The following CDK15 variants were observed in gnomAD, a reference collection of about 807,000 sequenced individuals.
The protein encoded by CDK15 is cyclin dependent kinase 15, also known as cyclin-dependent kinase 15.
In CDK15, 62 loss-of-function variants were observed where a neutral mutation model predicts 60.3. That is an observed-to-expected ratio of 1.03 (90% CI 0.84 to 1.27). The LOEUF (loss-of-function observed/expected upper bound fraction) is 1.27, where lower values mean the gene tolerates loss of function less well. Ranked by LOEUF, CDK15 falls within the 50% of genes most tolerant of loss-of-function variation. CDK15 has a pLI of 0.00. For missense variants in CDK15, 541 were observed against 527.8 expected (o/e 1.03, Z -0.25); for synonymous variants, 194 against 195.7 (o/e 0.99, Z 0.07).
chr2:201,890,334 T>G (rs1699600450), intron 12 of CDK15, among the ~76,000 whole-genome samples: 1 of 152,228 alleles, frequency 6.6e-6, no homozygotes, highest in Non-Finnish European at 1.5e-5. Flanking sequence ...TGCTGATCCC[T>G]CAACCGGGAA....
chr2:201,851,429 A>G (rs1697903610), intron 9 of CDK15, among the ~76,000 whole-genome samples: 1 of 151,766 alleles, frequency 6.6e-6, no homozygotes, highest in Admixed American at 6.6e-5. Flanking sequence ...TTGTCGCTGC[A>G]TCCTCCAGAG....
chr2:201,884,786 T>C (rs1346571780), intron 12 of CDK15, among the ~76,000 whole-genome samples: 2 of 152,358 alleles, frequency 1.3e-5, no homozygotes, highest in Admixed American at 1.3e-4. Context: ...GAGAATCATG[T>C]TCCATTCATT....
At chr2:201,840,956 C>T (rs956014442) in intron 8 of CDK15, among the ~76,000 whole-genome samples, 4 of 152,116 alleles carry the variant, frequency 2.6e-5, no homozygotes, top group African/African-American at 9.7e-5. Flanking sequence ...TGAATATTGA[C>T]TCTATTCTAT....
chr2:201,886,569 C>A (rs1333987003), intron 12 of CDK15, among the ~76,000 whole-genome samples: 2 of 152,172 alleles, frequency 1.3e-5, no homozygotes, highest in African/African-American at 4.8e-5. Context: ...AGGTGATCCA[C>A]CTGCCTTGGC....
chr2:201,863,618 G>A (rs1365445803), intron 10 of CDK15, among the ~76,000 whole-genome samples: 5 of 152,086 alleles, frequency 3.3e-5, no homozygotes, highest in Admixed American at 2.6e-4. Context: ...TTGGGAGGCC[G>A]AGGCGGGCGG....
chr2:201,841,733 G>C (rs1697393987), intron 8 of CDK15, among the ~76,000 whole-genome samples: 1 of 152,186 alleles, frequency 6.6e-6, no homozygotes, highest in African/African-American at 2.4e-5. Context: ...ATGAGGCCTG[G>C]TGGCAGCAGT....
intron 6 of CDK15, among the ~76,000 whole-genome samples, chr2:201,829,789 A>C (rs1696668694): frequency 6.6e-6 from 1 of 151,662 alleles, no homozygotes; most frequent in South Asian, 2.1e-4. Flanking sequence ...ATTATGTTTT[A>C]TTTTTTAATT....
At chr2:201,812,184 A>AC (rs1432437226) in intron 3 of CDK15, among the ~76,000 whole-genome samples, 58 of 148,742 alleles carry the variant, frequency 3.9e-4, no homozygotes, top group Admixed American at 8.0e-4. Flanking sequence ...AAAAAAAAAA[A>AC]AAAAAAACAA....
At chr2:201,815,627 C>G (rs904383514) in intron 4 of CDK15, among the ~76,000 whole-genome samples, 1 of 152,132 alleles carries the variant, frequency 6.6e-6, no homozygotes, top group Non-Finnish European at 1.5e-5. Context: ...CATAGTACAA[C>G]ATTTCTTAGT....
At chr2:201,881,146 G>A (rs1171685361) in intron 12 of CDK15, among the ~76,000 whole-genome samples, 1 of 152,098 alleles carries the variant, frequency 6.6e-6, no homozygotes, top group Non-Finnish European at 1.5e-5. Context: ...CAAGAGGTGT[G>A]GAAACAGCCT....
chr2:201,830,472 G>T (rs141955552), intron 6 of CDK15, among the ~76,000 whole-genome samples: 1 of 152,196 alleles, frequency 6.6e-6, no homozygotes, highest in African/African-American at 2.4e-5. Flanking sequence ...TGACACAATC[G>T]TTGCAAAAGC....
chr2:201,888,492 C>T, intron 12 of CDK15: 1 of 1,534,484 alleles, frequency 6.5e-7, no homozygotes, highest in Non-Finnish European at 8.7e-7. Flanking sequence ...TGCTGTCAGC[C>T]TCGGGAAGCT....
At chr2:201,823,029 A>G (rs1046663336) in intron 5 of CDK15, 126 bp downstream of exon 5, 3 of 652,044 alleles carry the variant, frequency 4.6e-6, no homozygotes, top group South Asian at 2.0e-5. Flanking sequence ...GGAAATTTTC[A>G]TTATTGTGAT....
chr2:201,852,158 GC>G (rs1697939448), intron 9 of CDK15, among the ~76,000 whole-genome samples: 1 of 151,982 alleles, frequency 6.6e-6, no homozygotes, highest in Non-Finnish European at 1.5e-5. Context: ...CACATTTGTT[GC>G]CTATAAGCAG....
chr2:201,837,480 AAGGAAGG>A (rs1697177294), intron 8 of CDK15, among the ~76,000 whole-genome samples: 2 of 140,326 alleles, frequency 1.4e-5, no homozygotes, highest in South Asian at 5.2e-4. Flanking sequence ...GGAAGGAAGG[AAGGAAGG>A]AAGGAAGGAA....
At chr2:201,847,280 A>G in intron 8 of CDK15, 101 bp from the exon 9 acceptor site, 1 of 1,173,866 alleles carries the variant, frequency 8.5e-7, no homozygotes, top group Non-Finnish European at 1.2e-6. Context: ...TCCGTATTTA[A>G]CTCTCCCTAA....
Position 201,895,413 on chromosome 2 carries a change from T to C in CDK15, c.*2146T>C, listed in dbSNP as rs1486678680. 6.6e-6 allele frequency: 1 copy of C among 152,266 alleles called. No homozygotes were observed. The highest frequency in any genetic ancestry group is 6.5e-5 in the Admixed American group (1 of 15,294). The allele number at this position is 152,266 out of a possible 1,614,324, so 9.4% of individuals were successfully genotyped here. Reference sequence around the variant, plus strand: ...TGCTTATGCATATGCATATACCTTATGCATATGATTATGCTTGTGCTTCCT... The same window carrying C: ...TGCTTATGCATATGCATATACCTTACGCATATGATTATGCTTGTGCTTCCT... On this transcript the variant is annotated 3_prime_UTR_variant, in exon 14 of 14. Transcript: ENST00000652192.
At chr2:201,826,413 C>T (rs564250007) in intron 6 of CDK15, among the ~76,000 whole-genome samples, 3 of 140,044 alleles carry the variant, frequency 2.1e-5, no homozygotes, top group Non-Finnish European at 3.0e-5. Context: ...GAGCCGAGAT[C>T]GCGCCACTGC....
At chr2:201,875,108 T>C (rs1315867187) in intron 11 of CDK15, among the ~76,000 whole-genome samples, 1 of 152,214 alleles carries the variant, frequency 6.6e-6, no homozygotes, top group African/African-American at 2.4e-5. Context: ...TTTTACGCAG[T>C]CACAAAACTC....
Sources: allele counts gnomAD v4.1 joint callset (sites outside exome capture counted in the v4.1 genomes callset), GRCh38; gene constraint gnomAD v4.1.1; transcripts MANE v1.5; gene names NCBI Gene and HGNC (gene_info 2026-07-23, HGNC 2026-07-21).